The following PRAG1 variants were observed in gnomAD, a reference collection of about 807,000 sequenced individuals.
PRAG1 encodes PEAK1 related, kinase-activating pseudokinase 1.
PRAG1 carries 110 observed loss-of-function variants against 95.6 expected under a neutral mutation model. That is an observed-to-expected ratio of 1.15 (90% confidence interval 0.99 to 1.35). The LOEUF (loss-of-function observed/expected upper bound fraction) is 1.35, where lower values mean the gene tolerates loss of function less well. PRAG1 is among the 40% of genes most tolerant of loss of function. The pLI is 0.00. For synonymous variants in PRAG1, 1,052 were observed against 819.4 expected, an observed-to-expected ratio of 1.28 and a Z score of -4.85; for missense variants, 2,554 against 1,864.7, an observed-to-expected ratio of 1.37 and a Z score of -6.81.
rs1168300330 is a variant in PRAG1, at chr8:8,377,022, T to C, written c.1387A>G (p.Ser463Gly). Residue 463 changes from serine (S) to glycine (G), a missense_variant, in exon 3 of 6, where the codon AGC (serine) becomes GGC (glycine). Physicochemically the swap from Ser to Gly is moderately conservative, Grantham distance 56 (BLOSUM62 0). Coordinates refer to ENST00000615670, the MANE Select transcript of PRAG1 (RefSeq NM_001080826.3). ...GACACCTGGGGAGTTGGGTCTGGGC[T>C]GTCCCGGCCCCAGCCAGATGCTGCT... ...QKAASGWGRD[S>G]PDPTPQVSAT... The C allele has an allele frequency of 6.2e-7, 1 of 1,613,970 alleles. No homozygotes were observed.
chr8:8,370,214 C>A (rs1800146304), intron 3 of PRAG1, among the ~76,000 whole-genome samples: 1 of 152,216 alleles, frequency 6.6e-6, no homozygotes, highest in Non-Finnish European at 1.5e-5. Flanking sequence ...CTGCTTACAG[C>A]ATTATGAGAT....
chr8:8,374,313 T>C (rs983273464), intron 3 of PRAG1, among the ~76,000 whole-genome samples: 1 of 152,240 alleles, frequency 6.6e-6, no homozygotes, highest in Non-Finnish European at 1.5e-5. Context: ...GAATAGGAAC[T>C]TGGTTTTCTA....
chr8:8,318,817 C>T lies in PRAG1; in HGVS notation c.3558G>A (p.Pro1186=). Residue 1186 remains proline, a synonymous_variant, in exon 6 of 6, where the codon CCG becomes CCA. Coordinates refer to ENST00000615670, the MANE Select transcript of PRAG1 (RefSeq NM_001080826.3). The surrounding 1 kb of genome is among the most constrained non-coding windows in gnomAD (Gnocchi z 4.2). ...AAAPPCSSAA[P]PAGGTLSPAA... The stretch of plus-strand genomic sequence containing the variant: ...CGGGGCTGAGAGTGCCACCAGCAGG[C>T]GGGGCGGCAGAGGAGCAGGGAGGCG... The T allele has an allele frequency of 1.5e-6, 2 of 1,364,052 alleles. No individual in the cohort carries two copies. The highest frequency in any genetic ancestry group is 1.9e-6 in the Non-Finnish European group (2 of 1,053,658). The allele number at this position is 1,364,052 out of a possible 1,614,324, so 84.5% of individuals were successfully genotyped here. A position where few individuals can be genotyped will look rare whatever the true frequency, so the allele number is the denominator to read the frequency against.
intron 3 of PRAG1, among the ~76,000 whole-genome samples, chr8:8,351,155 T>C (rs1191445201): frequency 1.3e-5 from 2 of 152,302 alleles, no homozygotes; most frequent in African/African-American, 4.8e-5. Context: ...GGTGGGCTTC[T>C]GGGTAGGCCT....
rs192121046 is a variant in PRAG1 at position 8,351,738 on chromosome 8, T to A, written c.2163-12103A>T. ...TCACTTCGCTTTCAGTATATAAAGA[T>A]CTAGAAAGAGAACAACCTATTTTAT... is the stretch of plus-strand genomic sequence containing the variant. On this transcript the variant is annotated intron_variant, in intron 3 of 5. Coordinates refer to ENST00000615670, the MANE Select transcript of PRAG1 (RefSeq NM_001080826.3). Among the ~76,000 whole-genome samples, 45 of 152,240 alleles carry A rather than the reference T, an allele frequency of 3.0e-4. 1 individual carries two copies. In the East Asian group the frequency reaches 8.3e-3, roughly 28 times the overall value.
Position 8,318,710 on chromosome 8 carries a change from T to C in PRAG1, c.3665A>G (p.Gln1222Arg). The change falls in exon 6 of 6, where the codon CAG becomes CGG. Residue 1222 changes from glutamine (Q) to arginine (R), a missense_variant. Gln to Arg is a conservative substitution (Grantham distance 43). Transcript: ENST00000615670. This position sits in a 1 kb window ranked among gnomAD's most constrained non-coding sequence, Gnocchi z 4.2. ...CAGGTTTGGGGTGCCGCCCGGCTTC[T>C]GCTTGGCCTTCAAAAAGTTGCTGAT... ...LIISNFLKAK[Q>R]KPGGTPNLQQ... 1 of 1,609,690 alleles carries C rather than the reference T, an allele frequency of 6.2e-7. No homozygotes were observed. Among genetic ancestry groups the C allele is most frequent in the Non-Finnish European group, 8.5e-7 (1 of 1,178,800 alleles).
chr8:8,355,558 T>C (rs1265063706), intron 3 of PRAG1, among the ~76,000 whole-genome samples: 1 of 152,096 alleles, frequency 6.6e-6, no homozygotes, highest in Non-Finnish European at 1.5e-5. Context: ...GAAAAGAATA[T>C]GGTAGTGGCA....
At chr8:8,376,143 C>G in intron 3 of PRAG1, 104 bp downstream of exon 3, 2 of 1,467,346 alleles carry the variant, frequency 1.4e-6, no homozygotes, top group Non-Finnish European at 1.8e-6. Flanking sequence ...GGCCTTTGGG[C>G]AGATTCTGGG....
Position 8,377,250 on chromosome 8 carries a change from G to A in PRAG1, c.1159C>T (p.Pro387Ser), listed in dbSNP as rs769421657. Residue 387 changes from proline (P) to serine (S), a missense_variant, in exon 3 of 6, where the codon CCT (proline) becomes TCT (serine). Transcript: ENST00000615670. ...QQDPGCPGVT[P>S]SRCLGLTGEP... ...CCCGTCAGCCCAAGGCATCTGCTAGGGGTCACCCCTGGGCAGCCAGGGTCC... is the reference window on the plus strand; with the variant it reads ...CCCGTCAGCCCAAGGCATCTGCTAGAGGTCACCCCTGGGCAGCCAGGGTCC... 3 of 1,612,896 alleles carry A rather than the reference G, an allele frequency of 1.9e-6. No homozygotes were observed. The highest frequency in any genetic ancestry group is 2.5e-6 in the Non-Finnish European group (3 of 1,179,978).
intron 3 of PRAG1, among the ~76,000 whole-genome samples, chr8:8,369,089 G>C (rs771546775): frequency 1.3e-5 from 2 of 152,016 alleles, no homozygotes; most frequent in East Asian, 3.9e-4. Context: ...TTAACTCAAG[G>C]TGGTAATGTT....
At chr8:8,352,301 C>T (rs1799549009) in intron 3 of PRAG1, among the ~76,000 whole-genome samples, 1 of 152,178 alleles carries the variant, frequency 6.6e-6, no homozygotes, top group African/African-American at 2.4e-5. Context: ...TCAACAGGTC[C>T]AGCTCTCTGT....
chr8:8,341,418 C>A (rs1355420576), intron 3 of PRAG1, among the ~76,000 whole-genome samples: 1 of 152,188 alleles, frequency 6.6e-6, no homozygotes, highest in Non-Finnish European at 1.5e-5. Context: ...AAAGAGGGAA[C>A]TCCACACACA....
At chr8:8,375,640 GC>G (rs1216144533) in intron 3 of PRAG1, among the ~76,000 whole-genome samples, 1 of 152,058 alleles carries the variant, frequency 6.6e-6, no homozygotes, top group East Asian at 1.9e-4. Flanking sequence ...TTAACTGTTT[GC>G]CTCCCCAAAT....
chr8:8,350,620 C>T (rs1457808225), intron 3 of PRAG1, among the ~76,000 whole-genome samples: 1 of 152,202 alleles, frequency 6.6e-6, no homozygotes, highest in African/African-American at 2.4e-5. Flanking sequence ...AGTTGAATAA[C>T]TTCCTAGACG....
chr8:8,376,178 G>C (rs928437559), intron 3 of PRAG1, 69 bp downstream of exon 3: 2 of 1,551,066 alleles, frequency 1.3e-6, no homozygotes, highest in African/African-American at 2.7e-5. Flanking sequence ...GCTTTGATGA[G>C]GGCAAAGGTT....
chr8:8,357,882 A>C (rs1281744685), intron 3 of PRAG1, among the ~76,000 whole-genome samples: 1 of 152,254 alleles, frequency 6.6e-6, no homozygotes, highest in Non-Finnish European at 1.5e-5. Context: ...GTCACAATAC[A>C]AAATACTTCT....
intron 5 of PRAG1, among the ~76,000 whole-genome samples, chr8:8,320,935 C>G (rs1482860909): frequency 6.6e-6 from 1 of 152,180 alleles, no homozygotes; most frequent in Non-Finnish European, 1.5e-5. Context: ...TGGTGGGTAA[C>G]ACATTAATTT....
intron 3 of PRAG1, among the ~76,000 whole-genome samples, chr8:8,360,163 C>G (rs1433583373): frequency 6.6e-6 from 1 of 152,170 alleles, no homozygotes; most frequent in Non-Finnish European, 1.5e-5. Flanking sequence ...CCTGACCCCT[C>G]TATTCTTCTT....
chr8:8,381,419 T>A lies in PRAG1; in HGVS notation c.329A>T (p.Gln110Leu). The change falls in exon 2 of 6, where the codon CAG becomes CTG. Residue 110 changes from glutamine (Q) to leucine (L), a missense_variant and splice_region_variant. Transcript: ENST00000615670. ...ACCACGAGTGTTAGTCAGCCTCACC[T>A]GCGAGACTTCGGCACTCAGGTTGGC... ...TEANLSAEVS[Q>L]VIWRRAPGKL... The A allele has an allele frequency of 6.2e-7, 1 of 1,602,868 alleles. No individual in the cohort carries two copies. Among genetic ancestry groups the A allele is most frequent in the Non-Finnish European group, 8.5e-7 (1 of 1,170,846 alleles).
Sources: allele counts gnomAD v4.1 joint callset (sites outside exome capture counted in the v4.1 genomes callset), GRCh38; gene constraint gnomAD v4.1.1; non-coding constraint Gnocchi (gnomAD v3.1); transcripts MANE v1.5; gene names NCBI Gene and HGNC (gene_info 2026-07-23, HGNC 2026-07-21).